CIAPIN1: variants seen among roughly 807,000 people sequenced by gnomAD.
The protein encoded by CIAPIN1 is anamorsin.
Under a neutral mutation model 34.3 loss-of-function variants are expected in CIAPIN1, and 18 were observed. The ratio of observed to expected loss-of-function variants is 0.52; its 90% confidence interval spans 0.36 to 0.78. The LOEUF is 0.78. Ranked by LOEUF, CIAPIN1 falls within the 30% of genes least tolerant of loss-of-function variation. The probability of loss-of-function intolerance (pLI) is 0.00; values close to 1 mark genes in which losing one functional copy is unlikely to be tolerated. For synonymous variants in CIAPIN1, 131 were observed against 140.4 expected (o/e 0.93, Z 0.47); for missense variants, 310 against 372.5 (o/e 0.83, Z 1.38).
Position 57,440,759 on chromosome 16 carries a change from G to T in CIAPIN1, c.157+13C>A, listed in dbSNP as rs1903311642. On this transcript the variant is annotated intron_variant, in intron 2 of 8. Coordinates refer to ENST00000394391, the MANE Select transcript of CIAPIN1 (RefSeq NM_020313.4). ...CCTCCAGCCTCATAAAGACAACGTG[G>T]GTGGGTACTTACATTGCAACAGCTG... The T allele has an allele frequency of 2.5e-6, 4 of 1,606,930 alleles. No homozygotes were observed. The highest frequency in any genetic ancestry group is 2.6e-6 in the Non-Finnish European group (3 of 1,175,768).
intron 3 of CIAPIN1, among the ~76,000 whole-genome samples, chr16:57,438,497 T>C (rs903865244): frequency 6.6e-6 from 1 of 152,206 alleles, no homozygotes; most frequent in Admixed American, 6.5e-5. Context: ...TACCCAATTA[T>C]AGCATGATAT....
intron 3 of CIAPIN1, among the ~76,000 whole-genome samples, chr16:57,437,600 T>G (rs1327579743): frequency 1.3e-5 from 2 of 152,008 alleles, no homozygotes; most frequent in African/African-American, 2.4e-5. Context: ...CTCAGCTCAT[T>G]GCAGCCTCGA....
intron 6 of CIAPIN1, among the ~76,000 whole-genome samples, chr16:57,431,665 A>G (rs1267881432): frequency 6.6e-6 from 1 of 152,218 alleles, no homozygotes; most frequent in Non-Finnish European, 1.5e-5. Context: ...CTTTTACATA[A>G]TCCCAGATAA....
At chr16:57,437,360 T>A (rs1196421799) in intron 3 of CIAPIN1, among the ~76,000 whole-genome samples, 1 of 152,162 alleles carries the variant, frequency 6.6e-6, no homozygotes, top group Non-Finnish European at 1.5e-5. Context: ...AACGCAAGTG[T>A]CCTAAGCGTG....
chr16:57,434,128 G>C lies in CIAPIN1; in HGVS notation c.472C>G (p.Gln158Glu), dbSNP rs1204629763. ...AAGTTTGGTTTTTTGCCTGTGATCT[G>C]AACAAACAGCAGGTTGTCACTTTCA... ...GHESDNLLFV[Q>E]ITGKKPNFEV... Residue 158 changes from glutamine (Q) to glutamate (E), a missense_variant, in exon 5 of 9, where the codon CAG becomes GAG. Transcript: ENST00000394391. 3.1e-6 allele frequency: 5 copies of C among 1,613,972 alleles called. No individual in the cohort carries two copies. In the African/African-American group the frequency reaches 6.7e-5, roughly 22 times the overall value.
At chr16:57,431,066 T>C (rs1903075505) in intron 7 of CIAPIN1, 85 bp downstream of exon 7, 2 of 717,454 alleles carry the variant, frequency 2.8e-6, no homozygotes, top group Non-Finnish European at 2.4e-6. Flanking sequence ...AAAATGTATG[T>C]TCTAAAAATA....
intron 1 of CIAPIN1, 62 bp downstream of exon 1, chr16:57,447,280 G>C (rs1240782855): frequency 1.8e-5 from 7 of 396,918 alleles, no homozygotes; most frequent in Non-Finnish European, 2.7e-5. Flanking sequence ...TGGGAACGAG[G>C]GTGGGCCGGG....
At chr16:57,445,103 G>A (rs73561572) in intron 1 of CIAPIN1, among the ~76,000 whole-genome samples, 9,731 of 152,214 alleles carry the variant, frequency 0.064, 354 homozygotes, top group African/African-American at 0.093. Context: ...GGGGACAAAA[G>A]CAAAAAATAA....
chr16:57,443,666 T>C (rs577536489), intron 1 of CIAPIN1, among the ~76,000 whole-genome samples: 1 of 152,184 alleles, frequency 6.6e-6, no homozygotes, highest in South Asian at 2.1e-4. Context: ...GGCCAGGCTA[T>C]TCTCAAACTC....
rs1304345023 is a variant in CIAPIN1 at position 57,432,543 on chromosome 16, GGT to G, written c.572_573del (p.Asp191AlafsTer23). ...AGGGTCCACAGCTTGGCAGCAGCAG[GGT>G]CCACAGCAGGTTTCACTGAGTCCAA... ...KSSPSVKPAVDPAAAKLWTLS... is the reference protein window; with the variant it reads ...KSSPSVKPAVXPAAAKLWTLS... On this transcript the variant is annotated frameshift_variant, in exon 6 of 9. Coordinates refer to ENST00000394391, the MANE Select transcript of CIAPIN1 (RefSeq NM_020313.4). LOFTEE classifies it high-confidence loss of function. The G allele has an allele frequency of 5.0e-6, 8 of 1,612,742 alleles. No homozygotes were observed. Among genetic ancestry groups the G allele is most frequent in the Non-Finnish European group, 6.8e-6 (8 of 1,179,770 alleles).
chr16:57,437,914 TG>T (rs1292093977), intron 3 of CIAPIN1, among the ~76,000 whole-genome samples: 7 of 150,522 alleles, frequency 4.7e-5, no homozygotes, highest in African/African-American at 1.5e-4. Context: ...CCATTATTAT[TG>T]TTTTTTTATC....
rs1598022538 is a variant in CIAPIN1, at chr16:57,432,634, C to G, written c.557-74G>C. The G allele has an allele frequency of 3.0e-6, 4 of 1,354,114 alleles. No homozygotes were observed. In the African/African-American group the frequency reaches 4.3e-5, roughly 15 times the overall value. 83.9% of individuals were successfully genotyped at this position (1,354,114 alleles called of 1,614,324 possible). Reference sequence around the variant, plus strand: ...TATTAATTACAAACATACATAAATGCTTCCTGCTGTGTAGAAGAGAACACA... The same window carrying G: ...TATTAATTACAAACATACATAAATGGTTCCTGCTGTGTAGAAGAGAACACA... On this transcript the variant is annotated intron_variant, in intron 5 of 8. Coordinates refer to ENST00000394391, the MANE Select transcript of CIAPIN1 (RefSeq NM_020313.4).
chr16:57,447,350 TG>T lies in CIAPIN1; in HGVS notation c.-65del. 1.6e-6 allele frequency: 1 copy of T among 642,560 alleles called. No homozygotes were observed. Among genetic ancestry groups the T allele is most frequent in the Non-Finnish European group, 2.2e-6 (1 of 450,158 alleles). The allele number at this position is 642,560 out of a possible 1,614,324, so 39.8% of individuals were successfully genotyped here. A position where few individuals can be genotyped will look rare whatever the true frequency, so the allele number is the denominator to read the frequency against. ...GCCCCCACCACTCTCACCTGCCGCC[TG>T]GGCTCGCTCCCGGCTTCTCTCCAGC... On this transcript the variant is annotated 5_prime_UTR_variant, in exon 1 of 9. Coordinates refer to ENST00000394391, the MANE Select transcript of CIAPIN1 (RefSeq NM_020313.4).
chr16:57,431,123 G>A (rs761600303), intron 7 of CIAPIN1, 28 bp downstream of exon 7: 1 of 1,382,940 alleles, frequency 7.2e-7, no homozygotes. Flanking sequence ...GAGGCAGCAT[G>A]GCAGGCTCCA....
intron 1 of CIAPIN1, among the ~76,000 whole-genome samples, chr16:57,443,424 C>A (rs2029928496): frequency 6.6e-6 from 1 of 152,136 alleles, no homozygotes; most frequent in Non-Finnish European, 1.5e-5. Flanking sequence ...CAGGTGTGAG[C>A]CACGGCATCC....
chr16:57,440,707 C>A, intron 2 of CIAPIN1, 65 bp downstream of exon 2: 1 of 1,505,518 alleles, frequency 6.6e-7, no homozygotes, highest in South Asian at 1.3e-5. Context: ...CAAGGAACCA[C>A]AGAAATGCAA....
chr16:57,441,969 G>C (rs1903342941), intron 1 of CIAPIN1, among the ~76,000 whole-genome samples: 1 of 152,204 alleles, frequency 6.6e-6, no homozygotes. Flanking sequence ...GACTTCTGCA[G>C]AGGTGGCCAA....
intron 1 of CIAPIN1, among the ~76,000 whole-genome samples, chr16:57,446,148 T>C (rs954111461): frequency 6.6e-6 from 1 of 152,108 alleles, no homozygotes; most frequent in Non-Finnish European, 1.5e-5. Flanking sequence ...CAGAATTTTT[T>C]TTAAAAAGTG....
intron 2 of CIAPIN1, among the ~76,000 whole-genome samples, 189 bp from the exon 3 acceptor site, chr16:57,439,523 T>C (rs1405266486): frequency 6.6e-6 from 1 of 152,150 alleles, no homozygotes; most frequent in East Asian, 1.9e-4. Flanking sequence ...AAGAACATAC[T>C]TATGGAAATC....
Sources: allele counts gnomAD v4.1 joint callset (sites outside exome capture counted in the v4.1 genomes callset), GRCh38; gene constraint gnomAD v4.1.1; transcripts MANE v1.5; gene names NCBI Gene and HGNC (gene_info 2026-07-23, HGNC 2026-07-21).